MAGI2: variants seen among roughly 807,000 people sequenced by gnomAD.
The protein encoded by MAGI2 is membrane associated guanylate kinase, WW and PDZ domain containing 2, also known as membrane-associated guanylate kinase, WW and PDZ domain-containing protein 2.
A neutral mutation model predicts 133.3 loss-of-function variants in MAGI2; 35 were observed. That is an observed-to-expected ratio of 0.26 (90% CI 0.20 to 0.35). The LOEUF is 0.35. Ranked by LOEUF, MAGI2 falls within the 10% of genes least tolerant of loss-of-function variation. The pLI is 1.00. For missense variants in MAGI2, 1,636 were observed against 1,863.4 expected (o/e 0.88, Z 2.25); for synonymous variants, 729 against 710.6 (o/e 1.03, Z -0.41).
At chr7:79,230,425 C>T (rs1338787190) in intron 1 of MAGI2, among the ~76,000 whole-genome samples, 1 of 151,510 alleles carries the variant, frequency 6.6e-6, no homozygotes, top group African/African-American at 2.4e-5. Context: ...AAAAGTGTTC[C>T]TATTTCTCCA....
At position 78,019,578 on chromosome 7, in the gene MAGI2, G is replaced by GCGCCTCCTTCCCGCCCGCCCGCGC; in HGVS notation, c.4081_4104dup (p.Ala1361_Ala1368dup). The GCGCCTCCTTCCCGCCCGCCCGCGC allele has an allele frequency of 1.0e-6, 1 of 980,612 alleles. No individual in the cohort carries two copies. Among genetic ancestry groups the GCGCCTCCTTCCCGCCCGCCCGCGC allele is most frequent in the South Asian group, 4.5e-5 (1 of 22,068 alleles). The allele number at this position is 980,612 out of a possible 1,614,324, so 60.7% of individuals were successfully genotyped here. ...AGCTCGGAGCCCGCCGCCGCACGGG[G>GCGCCTCCTTCCCGCCCGCCCGCGC]CGCCTCCTTCCCGCCCGCCCGCGCC... is the stretch of plus-strand genomic sequence containing the variant. On this transcript the variant is annotated inframe_insertion, in exon 22 of 22. Transcript: ENST00000354212.
chr7:79,216,414 T>C (rs1585227246), intron 1 of MAGI2, among the ~76,000 whole-genome samples: 1 of 151,968 alleles, frequency 6.6e-6, no homozygotes, highest in Middle Eastern at 3.4e-3. Context: ...CGGAAAGCTG[T>C]CACACTGGCC....
rs78266514 is a variant in MAGI2, at chr7:79,349,108, T to A, written c.301+103912A>T. On this transcript the variant is annotated intron_variant, in intron 1 of 21. Coordinates refer to ENST00000354212, the MANE Select transcript of MAGI2 (RefSeq NM_012301.4). ...AAAAGAGGCTATCTTTAAGGTTTTA[T>A]GGATTTATAAAACGTAACAGTGTGT... 1.2e-3 allele frequency among the ~76,000 whole-genome samples: 185 copies of A among 152,176 alleles called. No homozygotes were observed. The East Asian group carries it at 0.028, about 23-fold the overall frequency.
chr7:79,333,462 T>C (rs957042312), intron 1 of MAGI2, among the ~76,000 whole-genome samples: 3 of 152,150 alleles, frequency 2.0e-5, no homozygotes, highest in Admixed American at 6.5e-5. Flanking sequence ...TGACCTTCAG[T>C]TCATAAACAG....
At chr7:79,419,001 G>T (rs2129177961) in intron 1 of MAGI2, among the ~76,000 whole-genome samples, 1 of 151,884 alleles carries the variant, frequency 6.6e-6, no homozygotes. Context: ...GCCATTCCTA[G>T]ACAGATACAT....
intron 13 of MAGI2, among the ~76,000 whole-genome samples, chr7:78,180,889 A>G (rs966254336): frequency 2.6e-5 from 4 of 151,488 alleles, no homozygotes; most frequent in African/African-American, 9.7e-5. Flanking sequence ...CTGGAAAAAA[A>G]GTTCATATGA....
intron 1 of MAGI2, among the ~76,000 whole-genome samples, chr7:79,010,696 T>G (rs1408203430): frequency 6.6e-6 from 1 of 152,170 alleles, no homozygotes; most frequent in Non-Finnish European, 1.5e-5. Flanking sequence ...CTTTAGCCAT[T>G]TGTACTTTTT....
intron 2 of MAGI2, among the ~76,000 whole-genome samples, chr7:78,783,428 G>C (rs1259009408): frequency 6.6e-6 from 1 of 152,176 alleles, no homozygotes; most frequent in South Asian, 2.1e-4. Context: ...GGTTAAATGT[G>C]TCAGTCTGAA....
intron 21 of MAGI2, among the ~76,000 whole-genome samples, chr7:78,047,882 C>A (rs1199067834): frequency 6.6e-6 from 1 of 152,232 alleles, no homozygotes; most frequent in Non-Finnish European, 1.5e-5. Flanking sequence ...TGCCCCACTG[C>A]CTCTCTGCCT....
At chr7:79,349,973 T>G (rs529593410) in intron 1 of MAGI2, among the ~76,000 whole-genome samples, 1 of 152,188 alleles carries the variant, frequency 6.6e-6, no homozygotes, top group South Asian at 2.1e-4. Flanking sequence ...AGTCTTGAGT[T>G]AAAACTAAAG....
chr7:78,417,970 C>T (rs543374850), intron 6 of MAGI2, among the ~76,000 whole-genome samples: 2 of 152,210 alleles, frequency 1.3e-5, no homozygotes, highest in Admixed American at 1.3e-4. Flanking sequence ...CTGGTCATGG[C>T]TCTCCACATT....
At chr7:78,617,547 G>A (rs1807241699) in intron 3 of MAGI2, 1 of 151,982 alleles carries the variant, frequency 6.6e-6, no homozygotes, top group Admixed American at 6.6e-5. Context: ...TAATCATGAG[G>A]GTTTCCAAGC....
intron 2 of MAGI2, among the ~76,000 whole-genome samples, chr7:78,681,197 G>A (rs1815614753): frequency 6.6e-6 from 1 of 152,086 alleles, no homozygotes; most frequent in Non-Finnish European, 1.5e-5. Flanking sequence ...ATGAGGGGGT[G>A]AAACTGCCCC....
At chr7:78,591,865 A>G (rs982866886) in intron 3 of MAGI2, among the ~76,000 whole-genome samples, 12 of 152,236 alleles carry the variant, frequency 7.9e-5, no homozygotes, top group Non-Finnish European at 1.8e-4. Context: ...ATCAGTCACA[A>G]AAATATAAGA....
At chr7:79,271,495 T>C (rs552969648) in intron 1 of MAGI2, among the ~76,000 whole-genome samples, 1 of 152,216 alleles carries the variant, frequency 6.6e-6, no homozygotes, top group South Asian at 2.1e-4. Context: ...AAAGCTTTTA[T>C]AAAGCCCTTC....
intron 2 of MAGI2, among the ~76,000 whole-genome samples, chr7:78,878,034 A>G (rs1795561682): frequency 6.6e-6 from 1 of 152,170 alleles, no homozygotes; most frequent in Admixed American, 6.6e-5. Flanking sequence ...ACATTCTTTA[A>G]CCTCTGTGAA....
chr7:78,991,502 T>G (rs973901610), intron 2 of MAGI2, among the ~76,000 whole-genome samples: 2 of 151,862 alleles, frequency 1.3e-5, no homozygotes, highest in Non-Finnish European at 2.9e-5. Context: ...TGTCTTATAA[T>G]CAAGATAAAA....
intron 1 of MAGI2, among the ~76,000 whole-genome samples, chr7:79,136,028 G>A (rs4639450): frequency 0.041 from 2,077 of 50,298 alleles, 117 homozygotes; most frequent in African/African-American, 0.12. Context: ...AAAGAAAGAA[G>A]GAAAGAAAGA....
At chr7:79,112,150 G>C (rs1818983176) in intron 1 of MAGI2, among the ~76,000 whole-genome samples, 1 of 150,660 alleles carries the variant, frequency 6.6e-6, no homozygotes, top group African/African-American at 2.4e-5. Flanking sequence ...TTTTTTTTTA[G>C]TTGAAAGGGG....
Sources: gnomAD v4.1 joint callset for allele counts (sites outside exome capture counted in the v4.1 genomes callset) on GRCh38, gnomAD v4.1.1 for gene constraint, MANE v1.5 for transcripts, NCBI Gene and HGNC (gene_info 2026-07-23, HGNC 2026-07-21) for gene names.